Variants in SERPINB3 observed in about 807,000 individuals in gnomAD.
The protein encoded by SERPINB3 is serpin B3.
A neutral mutation model predicts 33.0 loss-of-function variants in SERPINB3; 33 were observed. The observed-to-expected ratio is 1.00, with a 90% CI of 0.76 to 1.34. The LOEUF (loss-of-function observed/expected upper bound fraction) is 1.34, where lower values mean the gene tolerates loss of function less well. SERPINB3 is among the 40% of genes most tolerant of loss of function. SERPINB3 has a pLI of 0.00. For synonymous variants in SERPINB3, 200 were observed against 170.9 expected (o/e 1.17, Z -1.33); for missense variants, 518 against 461.5 (o/e 1.12, Z -1.12).
intron 7 of SERPINB3, 80 bp downstream of exon 7, chr18:63,656,751 A>G (rs1266780885): frequency 6.9e-7 from 1 of 1,458,252 alleles, no homozygotes; most frequent in Middle Eastern, 2.6e-4. Flanking sequence ...CTCGGTCACC[A>G]GCTTTTACCT....
chr18:63,660,681 A>C (rs1215741839), intron 3 of SERPINB3, 119 bp downstream of exon 3: 28 of 1,284,934 alleles, frequency 2.2e-5, no homozygotes, highest in Non-Finnish European at 3.1e-5. Context: ...TGTATGTCTC[A>C]ATCTTTGTGT....
chr18:63,656,263 T>TATATATGTATGTAA (rs147081827), intron 7 of SERPINB3, among the ~76,000 whole-genome samples: 7,439 of 152,188 alleles, frequency 0.049, 598 homozygotes, highest in African/African-American at 0.17. Context: ...TGTATGTGTA[T>TATATATGTATGTAA]AAACAGAATC....
intron 1 of SERPINB3, 78 bp from the exon 2 acceptor site, chr18:63,661,320 A>G: frequency 1.4e-6 from 2 of 1,439,412 alleles, no homozygotes; most frequent in South Asian, 1.4e-5. Flanking sequence ...TCTTAAAGAA[A>G]TTATATATCT....
chr18:63,655,618 G>C lies in SERPINB3; in HGVS notation c.*39C>G. 6.4e-7 allele frequency: 1 copy of C among 1,557,560 alleles called. No homozygotes were observed. Among genetic ancestry groups the C allele is most frequent in the Non-Finnish European group, 8.7e-7 (1 of 1,147,854 alleles). On this transcript the variant is annotated 3_prime_UTR_variant, in exon 8 of 8. Transcript: ENST00000283752. ...CAATCAGTTTACCAGAACATCTGCA[G>C]GTGAACATTTTCCAAATGGAGTGAC...
rs878904216 is a variant in SERPINB3 at position 63,657,523 on chromosome 18, T to C, written c.470-111A>G. 90 of 890,540 alleles carry C rather than the reference T, an allele frequency of 1.0e-4. No homozygotes were observed. In the South Asian group the frequency reaches 1.0e-3, roughly 10 times the overall value. 55.2% of individuals were successfully genotyped at this position (890,540 alleles called of 1,614,324 possible). The stretch of plus-strand genomic sequence containing the variant: ...GTTAATTATTGACCCAAATCCCTAC[T>C]TGAGACTCACTGACTTTGATCTTTG... On this transcript the variant is annotated intron_variant, in intron 5 of 7. Transcript: ENST00000283752.
At chr18:63,657,467 G>T in intron 5 of SERPINB3, 55 bp from the exon 6 acceptor site, 2 of 1,433,802 alleles carry the variant, frequency 1.4e-6, no homozygotes, top group Non-Finnish European at 9.4e-7. Context: ...GGCTTGTCTG[G>T]AAGATGCTTT....
intron 3 of SERPINB3, 192 bp downstream of exon 3, chr18:63,660,608 C>G: frequency 1.5e-6 from 1 of 686,380 alleles, no homozygotes; most frequent in Non-Finnish European, 2.5e-6. Flanking sequence ...ACAGTGCTGA[C>G]TGTCTTTCAG....
chr18:63,657,013 A>G, intron 6 of SERPINB3, 27 bp from the exon 7 acceptor site: 1 of 1,568,964 alleles, frequency 6.4e-7, no homozygotes, highest in Non-Finnish European at 8.7e-7. Context: ...TGTCCAACAA[A>G]TACCAAGTGA....
intron 5 of SERPINB3, 44 bp from the exon 6 acceptor site, chr18:63,657,456 T>C: frequency 6.7e-7 from 1 of 1,493,774 alleles, no homozygotes; most frequent in Non-Finnish European, 9.1e-7. Context: ...AAGCTACAAA[T>C]GGCTTGTCTG....
At chr18:63,660,563 C>T (rs921892184) in intron 3 of SERPINB3, among the ~76,000 whole-genome samples, 6 of 152,072 alleles carry the variant, frequency 3.9e-5, no homozygotes, top group African/African-American at 1.4e-4. Context: ...GAGTCTGAAC[C>T]TAGCCTATCC....
chr18:63,657,360 C>A lies in SERPINB3; in HGVS notation c.522G>T (p.Leu174Phe), dbSNP rs187183203. The stretch of plus-strand genomic sequence containing the variant: ...TGAAATAGATTGCGTTCACAAGAAC[C>A]AATGTGGTATTGCTGCCAATATTAC... ...PEGNIGSNTT[L>F]VLVNAIYFKG... The change falls in exon 6 of 8, where the codon TTG (leucine) becomes TTT (phenylalanine). Residue 174 changes from leucine (L) to phenylalanine (F), a missense_variant. Transcript: ENST00000283752. The A allele has an allele frequency of 6.2e-7, 1 of 1,610,374 alleles. No homozygotes were observed. Among genetic ancestry groups the A allele is most frequent in the African/African-American group, 1.3e-5 (1 of 74,952 alleles).
chr18:63,656,601 A>G (rs1325413919), intron 7 of SERPINB3, among the ~76,000 whole-genome samples: 2 of 152,206 alleles, frequency 1.3e-5, no homozygotes, highest in African/African-American at 4.8e-5. Flanking sequence ...ATATCATTAA[A>G]TTGATATCCA....
At chr18:63,660,385 T>C (rs1439617318) in intron 3 of SERPINB3, among the ~76,000 whole-genome samples, 1 of 152,176 alleles carries the variant, frequency 6.6e-6, no homozygotes, top group Non-Finnish European at 1.5e-5. Flanking sequence ...ATAATAATAA[T>C]AACATTTATT....
chr18:63,661,859 G>T lies in SERPINB3; in HGVS notation c.-40C>A, dbSNP rs990954741. On this transcript the variant is annotated 5_prime_UTR_variant, in exon 1 of 8. Coordinates refer to ENST00000283752, the MANE Select transcript of SERPINB3 (RefSeq NM_006919.3). ...TGAAGCTCTTACCTGTGTTCCTAGAGGAAGCAGAGGTGGGCAGAGAGGCTA... is the reference window on the plus strand; with the variant it reads ...TGAAGCTCTTACCTGTGTTCCTAGATGAAGCAGAGGTGGGCAGAGAGGCTA... 4 of 152,548 alleles carry T rather than the reference G, an allele frequency of 2.6e-5. No individual in the cohort carries two copies. The highest frequency in any genetic ancestry group is 6.6e-5 in the Admixed American group (1 of 15,234). 9.4% of individuals were successfully genotyped at this position (152,548 alleles called of 1,614,324 possible).
At position 63,661,226 on chromosome 18, in the gene SERPINB3, G is replaced by A. The variant is rs764830431; in HGVS notation, c.-10C>T. The A allele has an allele frequency of 1.2e-6, 2 of 1,612,674 alleles. No individual in the cohort carries two copies. The highest frequency in any genetic ancestry group is 1.7e-6 in the Non-Finnish European group (2 of 1,179,140). On this transcript the variant is annotated 5_prime_UTR_variant, in exon 2 of 8. Transcript: ENST00000283752. The stretch of plus-strand genomic sequence containing the variant: ...CACTGAGTGAATTCATGGTGAACTC[G>A]ATGTGATCTGGAACTCCTGGAAAAG...
rs377476734 is a variant in SERPINB3, at chr18:63,661,251, G to T, written c.-26-9C>A. 3.0e-4 allele frequency: 481 copies of T among 1,597,574 alleles called. 1 individual carries two copies. The highest frequency in any genetic ancestry group is 8.3e-4 in the African/African-American group (62 of 74,334). ...GATGTGATCTGGAACTCCTGGAAAA[G>T]CATCAGATTCCTGTCAGAATGACTT... is the stretch of plus-strand genomic sequence containing the variant. On this transcript the variant is annotated splice_polypyrimidine_tract_variant and intron_variant, in intron 1 of 7. Transcript: ENST00000283752.
chr18:63,659,342 C>T, intron 4 of SERPINB3, 57 bp downstream of exon 4: 3 of 1,584,814 alleles, frequency 1.9e-6, no homozygotes, highest in Non-Finnish European at 2.6e-6. Flanking sequence ...CATTTGGCCA[C>T]TCAGAGACAC....
At chr18:63,657,140 A>G (rs1282308874) in intron 6 of SERPINB3, 130 bp downstream of exon 6, 1 of 899,996 alleles carries the variant, frequency 1.1e-6, no homozygotes. Flanking sequence ...TAACTAAATA[A>G]AGTTATAAGA....
At position 63,655,765 on chromosome 18, in the gene SERPINB3, T is replaced by C; in HGVS notation, c.1065A>G (p.Ser355=). 6.2e-7 allele frequency: 1 copy of C among 1,613,152 alleles called. No homozygotes were observed. Among genetic ancestry groups the C allele is most frequent in the Non-Finnish European group, 8.5e-7 (1 of 1,179,952 alleles). The change falls in exon 8 of 8, where the codon TCA becomes TCG. Residue 355 remains serine, a synonymous_variant. Transcript: ENST00000283752. ...AATAVVGFGS[S]PTSTNEEFHC... ...GGAACTCTTCATTAGTTGAAGTAGGTGATGATCCGAATCCTACTACAGCGG... is the reference window on the plus strand; with the variant it reads ...GGAACTCTTCATTAGTTGAAGTAGGCGATGATCCGAATCCTACTACAGCGG...
Sources: allele counts gnomAD v4.1 joint callset (sites outside exome capture counted in the v4.1 genomes callset), GRCh38; gene constraint gnomAD v4.1.1; transcripts MANE v1.5; gene names NCBI Gene and HGNC (gene_info 2026-07-23, HGNC 2026-07-21).